PMM2: variants seen among roughly 807,000 people sequenced by gnomAD.
PMM2 encodes mannose-6-phosphate isomerase.
A neutral mutation model predicts 33.2 loss-of-function variants in PMM2; 35 were observed. The observed-to-expected ratio is 1.06, with a 90% CI of 0.81 to 1.40. PMM2 has a LOEUF of 1.40. PMM2 is among the 40% of genes most tolerant of loss of function. PMM2 has a pLI of 0.00. For missense variants in PMM2, 386 were observed against 306.0 expected (o/e 1.26, Z -1.95); for synonymous variants, 153 against 114.7 (o/e 1.33, Z -2.13).
chr16:8,810,857 A>G (rs181027002), intron 4 of PMM2: 68 of 584,670 alleles, frequency 1.2e-4, no homozygotes, highest in Non-Finnish European at 2.0e-4. Flanking sequence ...TTCCTTTTTC[A>G]TACTAAATCT....
intron 7 of PMM2, among the ~76,000 whole-genome samples, chr16:8,828,696 G>C (rs1450513960): frequency 1.3e-5 from 2 of 152,206 alleles, no homozygotes; most frequent in African/African-American, 4.8e-5. Context: ...GTTTGGAACT[G>C]ACCAGTCTGC....
intron 7 of PMM2, among the ~76,000 whole-genome samples, chr16:8,821,906 C>G (rs1281329898): frequency 6.6e-6 from 1 of 152,254 alleles, no homozygotes; most frequent in South Asian, 2.1e-4. Context: ...GCCACTACTG[C>G]TCTACGCCAT....
chr16:8,815,361 G>A (rs1431515363), intron 7 of PMM2, among the ~76,000 whole-genome samples: 1 of 151,994 alleles, frequency 6.6e-6, no homozygotes, highest in African/African-American at 2.4e-5. Context: ...CCGATTAGTG[G>A]CTGGGATTAC....
chr16:8,835,213 C>T (rs1018404857), intron 7 of PMM2, among the ~76,000 whole-genome samples: 3 of 151,218 alleles, frequency 2.0e-5, no homozygotes, highest in Non-Finnish European at 4.4e-5. Context: ...GAATTCTGAC[C>T]GCACTAACCA....
At chr16:8,799,658 C>T (rs955882122) in intron 1 of PMM2, among the ~76,000 whole-genome samples, 10 of 152,292 alleles carry the variant, frequency 6.6e-5, no homozygotes, top group South Asian at 2.1e-4. Context: ...AGCAATTCTC[C>T]TGCCTCAGGC....
At chr16:8,843,157 T>C (rs904670979) in intron 7 of PMM2, among the ~76,000 whole-genome samples, 2 of 151,894 alleles carry the variant, frequency 1.3e-5, no homozygotes, top group Non-Finnish European at 2.9e-5. Context: ...TTTTAAGAGG[T>C]TTAGAAGCCT....
chr16:8,833,535 T>G (rs2060823859), intron 7 of PMM2, among the ~76,000 whole-genome samples: 1 of 151,626 alleles, frequency 6.6e-6, no homozygotes. Context: ...TGAAAATTTT[T>G]AGGGGGTGGT....
chr16:8,812,647 G>T (rs1186167883), intron 6 of PMM2, among the ~76,000 whole-genome samples: 13 of 152,200 alleles, frequency 8.5e-5, no homozygotes, highest in Admixed American at 8.5e-4. Context: ...GTGTGTTAAA[G>T]CCCGAGACAA....
chr16:8,833,666 G>A (rs866835933), intron 7 of PMM2, among the ~76,000 whole-genome samples: 1 of 151,012 alleles, frequency 6.6e-6, no homozygotes, highest in African/African-American at 2.4e-5. Flanking sequence ...GTGATATTGT[G>A]GGGATGTTAG....
At chr16:8,829,328 A>C (rs944374310) in intron 7 of PMM2, 1 of 152,320 alleles carries the variant, frequency 6.6e-6, no homozygotes, top group Non-Finnish European at 1.5e-5. Flanking sequence ...TGTAGCTTCC[A>C]GAAGAACGGA....
chr16:8,812,835 A>G (rs1336026243), intron 6 of PMM2, among the ~76,000 whole-genome samples, 156 bp from the exon 7 acceptor site: 1 of 152,258 alleles, frequency 6.6e-6, no homozygotes, highest in Non-Finnish European at 1.5e-5. Context: ...AATTTCTAGA[A>G]CCTATGCATG....
chr16:8,813,184 C>G, intron 7 of PMM2, 78 bp downstream of exon 7: 1 of 927,292 alleles, frequency 1.1e-6, no homozygotes. Context: ...GGCTGTTTTT[C>G]CTGTACCTAC....
chr16:8,812,892 A>G, intron 6 of PMM2, 99 bp from the exon 7 acceptor site: 1 of 780,530 alleles, frequency 1.3e-6, no homozygotes, highest in South Asian at 1.4e-5. Context: ...AACCTTGGCA[A>G]CCCACTAACT....
chr16:8,845,757 CTG>C (rs1450957236), intron 7 of PMM2, among the ~76,000 whole-genome samples: 1 of 150,082 alleles, frequency 6.7e-6, no homozygotes, highest in African/African-American at 2.5e-5. Context: ...GTTAGGTTCT[CTG>C]TGACTTTTAC....
chr16:8,834,126 T>A (rs1037225683), intron 7 of PMM2, among the ~76,000 whole-genome samples: 3 of 152,216 alleles, frequency 2.0e-5, no homozygotes, highest in Admixed American at 6.5e-5. Context: ...TTACATGGGC[T>A]GTACCTTGTA....
chr16:8,811,621 CT>C lies in PMM2; in HGVS notation c.448-12del, dbSNP rs1000876069. ...CTGCAATACAAGAAACAATTGGTAT[CT>C]TTTTGTTTTTCTCAGAAAGAAAATA... On this transcript the variant is annotated splice_polypyrimidine_tract_variant and intron_variant, in intron 5 of 7. Transcript: ENST00000268261. 6.4e-7 allele frequency: 1 copy of C among 1,558,096 alleles called. No individual in the cohort carries two copies.
At chr16:8,804,998 A>G (rs910854292) in intron 3 of PMM2, among the ~76,000 whole-genome samples, 155 bp downstream of exon 3, 11 of 152,216 alleles carry the variant, frequency 7.2e-5, no homozygotes, top group African/African-American at 1.9e-4. Context: ...TGACTATTAC[A>G]TATTCTACAT....
intron 1 of PMM2, among the ~76,000 whole-genome samples, chr16:8,800,665 C>CTT (rs35148703): frequency 1.6e-5 from 2 of 126,646 alleles, no homozygotes; most frequent in Admixed American, 7.8e-5. Flanking sequence ...TAAGCTTCTC[C>CTT]TTTTTTTTTT....
rs1555449066 is a variant in PMM2, at chr16:8,804,021, G to GGTTTTTTTT, written c.179-736_179-728dup. Among the ~76,000 whole-genome samples, 600 of 72,522 alleles carry GGTTTTTTTT rather than the reference G, an allele frequency of 8.3e-3. 9 individuals carry two copies. Among genetic ancestry groups the GGTTTTTTTT allele is most frequent in the South Asian group, 0.015 (32 of 2,110 alleles). 47.6% of individuals were successfully genotyped at this position (72,522 alleles called of 152,430 possible). ...TTAGTGCTTTGTTTTTTGTTTTTTG[G>GGTTTTTTTT]GTTTTTTTTGTTTTTTTTTTTTTTT... On this transcript the variant is annotated intron_variant, in intron 2 of 7. Transcript: ENST00000268261.
Sources: gnomAD v4.1 joint callset for allele counts (sites outside exome capture counted in the v4.1 genomes callset) on GRCh38, gnomAD v4.1.1 for gene constraint, MANE v1.5 for transcripts, NCBI Gene and HGNC (gene_info 2026-07-23, HGNC 2026-07-21) for gene names.